CLDN14: variants seen among roughly 807,000 people sequenced by gnomAD.
CLDN14 encodes claudin 14.
CLDN14 carries 2 observed loss-of-function variants against 2.1 expected under a neutral mutation model. The ratio of observed to expected loss-of-function variants is 0.96; its 90% confidence interval spans 0.39 to 3.01. CLDN14 has a LOEUF of 3.01. Ranked by LOEUF, CLDN14 falls within the 30% of genes most tolerant of loss-of-function variation. CLDN14 has a pLI of 0.09. For missense variants in CLDN14, 298 were observed against 328.0 expected, an observed-to-expected ratio of 0.91 and a Z score of 0.71; for synonymous variants, 136 against 154.4, an observed-to-expected ratio of 0.88 and a Z score of 0.88.
chr21:36,550,306 C>G (rs1246386513), intron 1 of CLDN14, among the ~76,000 whole-genome samples: 1 of 152,150 alleles, frequency 6.6e-6, no homozygotes, highest in Non-Finnish European at 1.5e-5. Flanking sequence ...AGACATGCAG[C>G]GGGTCTTGGG....
chr21:36,554,183 C>T (rs2087582331), intron 1 of CLDN14, among the ~76,000 whole-genome samples: 1 of 152,136 alleles, frequency 6.6e-6, no homozygotes, highest in Non-Finnish European at 1.5e-5. Context: ...CATTTGGAGG[C>T]CACTTTGGAT....
intron 1 of CLDN14, among the ~76,000 whole-genome samples, chr21:36,560,103 G>A (rs2146523092): frequency 6.6e-6 from 1 of 152,260 alleles, no homozygotes; most frequent in East Asian, 1.9e-4. Context: ...TGGCTGATGT[G>A]TATGTAATAA....
intron 1 of CLDN14, among the ~76,000 whole-genome samples, chr21:36,463,547 A>C (rs1453006245): frequency 6.6e-6 from 1 of 152,172 alleles, no homozygotes; most frequent in Non-Finnish European, 1.5e-5. Flanking sequence ...ACCTGCCTCT[A>C]CTAAAAATAC....
At chr21:36,466,043 T>C (rs919636462) in intron 1 of CLDN14, among the ~76,000 whole-genome samples, 1 of 152,178 alleles carries the variant, frequency 6.6e-6, no homozygotes, top group African/African-American at 2.4e-5. Flanking sequence ...GCAGGATGTC[T>C]TGTGTGGAGG....
At chr21:36,494,214 G>A (rs1006267532) in intron 2 of CLDN14, among the ~76,000 whole-genome samples, 4 of 152,158 alleles carry the variant, frequency 2.6e-5, no homozygotes, top group South Asian at 2.1e-4. Context: ...CACACTGGTC[G>A]CCATGTAGGA....
Position 36,461,346 on chromosome 21 carries a change from A to G in CLDN14, c.350T>C (p.Phe117Ser). The part of the protein sequence containing the change: ...CAKGTPAKTT[F>S]AILGGTLFIL... The stretch of plus-strand genomic sequence containing the variant: ...GAAGAGGGTGCCGCCGAGGATGGCA[A>G]AGGTGGTCTTGGCGGGTGTGCCCTT... The change falls in exon 2 of 2, where the codon TTT becomes TCT. Residue 117 changes from phenylalanine (F) to serine (S), a missense_variant. Coordinates refer to ENST00000399135, the MANE Select transcript of CLDN14 (RefSeq NM_001146079.2). The G allele has an allele frequency of 1.2e-6, 2 of 1,613,476 alleles. No homozygotes were observed. The highest frequency in any genetic ancestry group is 8.5e-7 in the Non-Finnish European group (1 of 1,179,940).
At chr21:36,507,645 T>C (rs1306884176) in intron 2 of CLDN14, among the ~76,000 whole-genome samples, 1 of 152,094 alleles carries the variant, frequency 6.6e-6, no homozygotes, top group African/African-American at 2.4e-5. Context: ...GCACGTGTAA[T>C]CCCAGCTACT....
intron 1 of CLDN14, among the ~76,000 whole-genome samples, chr21:36,545,633 A>G (rs541274680): frequency 1.1e-4 from 16 of 152,186 alleles, no homozygotes; most frequent in Non-Finnish European, 1.6e-4. Flanking sequence ...AAAAGGCTGA[A>G]TTATTATTTT....
intron 1 of CLDN14, among the ~76,000 whole-genome samples, chr21:36,538,078 A>G (rs1188864368): frequency 6.6e-6 from 1 of 152,186 alleles, no homozygotes; most frequent in Non-Finnish European, 1.5e-5. Flanking sequence ...AGCCAGGGAG[A>G]CAGTCTACAG....
At chr21:36,575,005 T>A (rs778554857) in intron 1 of CLDN14, among the ~76,000 whole-genome samples, 1 of 152,180 alleles carries the variant, frequency 6.6e-6, no homozygotes, top group Non-Finnish European at 1.5e-5. Context: ...AAAATCAAAC[T>A]GAAAAACAGA....
chr21:36,570,364 G>T (rs563831194), intron 1 of CLDN14, among the ~76,000 whole-genome samples: 9 of 152,282 alleles, frequency 5.9e-5, no homozygotes, highest in Non-Finnish European at 1.2e-4. Context: ...AATTCCAAAA[G>T]GGAGGAGGGT....
At chr21:36,575,286 A>G (rs1313034451) in intron 1 of CLDN14, among the ~76,000 whole-genome samples, 4 of 152,192 alleles carry the variant, frequency 2.6e-5, no homozygotes, top group African/African-American at 9.7e-5. Flanking sequence ...TACTCAGCAA[A>G]TGATAGCTAA....
In CLDN14 at chr21:36,493,604, C is replaced by A. The variant is rs540340479; in HGVS notation, c.-82+16759G>T. On this transcript the variant is annotated intron_variant, in intron 2 of 2. Coordinates refer to the CLDN14 transcript ENST00000342108. ...AAGCTCAGTTCTTCCAGTCCTGGGG[C>A]ACGAGGAGGAGGAGGGAAGGCGAGG... is the stretch of plus-strand genomic sequence containing the variant. Among the ~76,000 whole-genome samples the A allele has an allele frequency of 2.0e-5, 3 of 152,128 alleles. No individual in the cohort carries two copies. The East Asian group carries it at 5.8e-4, about 29-fold the overall frequency.
chr21:36,565,732 CCATA>C (rs1382290407), intron 1 of CLDN14, among the ~76,000 whole-genome samples: 1 of 152,192 alleles, frequency 6.6e-6, no homozygotes, highest in East Asian at 1.9e-4. Flanking sequence ...TTGGCCCCTA[CCATA>C]AATAGTGCTG....
At chr21:36,558,600 T>A (rs1378274775) in intron 1 of CLDN14, among the ~76,000 whole-genome samples, 1 of 152,172 alleles carries the variant, frequency 6.6e-6, no homozygotes, top group African/African-American at 2.4e-5. Flanking sequence ...AGCAGCCTAT[T>A]ATTCCTGTTT....
rs1054719861 is a variant in CLDN14, at chr21:36,470,497, A to G, written c.-81-8721T>C. The stretch of plus-strand genomic sequence containing the variant: ...AGGCCCAGCAGGAGGCCCAGGACAG[A>G]TGCTCCCTCACAGCCCTGGAAGGAA... On this transcript the variant is annotated intron_variant, in intron 1 of 1. Coordinates refer to ENST00000399135, the MANE Select transcript of CLDN14 (RefSeq NM_001146079.2). Among the ~76,000 whole-genome samples the G allele has an allele frequency of 3.3e-5, 5 of 152,168 alleles. No homozygotes were observed. The East Asian group carries it at 7.7e-4, about 23-fold the overall frequency.
intron 1 of CLDN14, among the ~76,000 whole-genome samples, chr21:36,539,760 C>T (rs891638667): frequency 2.2e-5 from 3 of 135,772 alleles, no homozygotes; most frequent in South Asian, 2.4e-4. Context: ...AGTATGTCTG[C>T]AGAGTGTGTA....
rs1383100236 is a variant in CLDN14, at chr21:36,527,272, T to C, written c.-219-16772A>G. 2.6e-5 allele frequency among the ~76,000 whole-genome samples: 4 copies of C among 152,332 alleles called. No homozygotes were observed. The East Asian group carries it at 7.7e-4, about 29-fold the overall frequency. ...CGTCTTTTGATTAATGAGGAGTTCC[T>C]TAGAGATTGATTGGTTTATTTGATT... On this transcript the variant is annotated intron_variant, in intron 1 of 2. Coordinates refer to the CLDN14 transcript ENST00000342108.
At chr21:36,464,566 G>A (rs1042347101) in intron 1 of CLDN14, among the ~76,000 whole-genome samples, 4 of 152,210 alleles carry the variant, frequency 2.6e-5, no homozygotes, top group Non-Finnish European at 4.4e-5. Context: ...AAGGACCGGG[G>A]CCGGCTGTCC....
Sources: allele counts gnomAD v4.1 joint callset (sites outside exome capture counted in the v4.1 genomes callset), GRCh38; gene constraint gnomAD v4.1.1; transcripts MANE v1.5; gene names NCBI Gene and HGNC (gene_info 2026-07-23, HGNC 2026-07-21).